DYM: variants seen among roughly 807,000 people sequenced by gnomAD.
DYM encodes dymeclin, also known as dyggve-Melchior-Clausen syndrome protein.
In DYM, 78 loss-of-function variants were observed where a neutral mutation model predicts 93.1. That is an observed-to-expected ratio of 0.84 (90% CI 0.70 to 1.01). The LOEUF (loss-of-function observed/expected upper bound fraction) is 1.01, where lower values mean the gene tolerates loss of function less well. DYM is among the 50% of genes least tolerant of loss of function. The pLI, the probability that DYM is intolerant of heterozygous loss-of-function variation, is 0.00. For synonymous variants in DYM, 321 were observed against 319.7 expected (o/e 1.00, Z -0.04); for missense variants, 789 against 845.0 (o/e 0.93, Z 0.82).
At position 49,220,749 on chromosome 18, in the gene DYM, T is replaced by C. The variant is rs185877953; in HGVS notation, c.1461-11034A>G. Among the ~76,000 whole-genome samples the C allele has an allele frequency of 6.6e-4, 100 of 152,294 alleles. 1 individual carries two copies. The East Asian group carries it at 0.014, about 22-fold the overall frequency. On this transcript the variant is annotated intron_variant, in intron 13 of 17. Transcript: ENST00000675505. ...CTCTTCCTTACATCTTATACAAAAATTAATTCAAGATGGATTAAAGACTTA... is the reference window on the plus strand; with the variant it reads ...CTCTTCCTTACATCTTATACAAAAACTAATTCAAGATGGATTAAAGACTTA...
chr18:49,260,852 C>T (rs2145237615), intron 11 of DYM, among the ~76,000 whole-genome samples: 1 of 150,518 alleles, frequency 6.6e-6, no homozygotes, highest in African/African-American at 2.5e-5. Context: ...TGTACCATCT[C>T]CGGGAGAAAA....
At position 49,245,865 on chromosome 18, in the gene DYM, C is replaced by T. The variant is rs373957236; in HGVS notation, c.1460+11145G>A. ...TGTGATGTCAACCCCGGCGGCCCAGCTGTAAAATTCTTCTCTTTGTGCTCT... is the reference window on the plus strand; with the variant it reads ...TGTGATGTCAACCCCGGCGGCCCAGTTGTAAAATTCTTCTCTTTGTGCTCT... On this transcript the variant is annotated intron_variant, in intron 13 of 17. Transcript: ENST00000675505. Among the ~76,000 whole-genome samples the T allele has an allele frequency of 9.0e-4, 137 of 152,324 alleles. 3 individuals are homozygous for T. The South Asian group carries it at 0.027, about 30-fold the overall frequency.
intron 8 of DYM, among the ~76,000 whole-genome samples, chr18:49,292,898 C>T (rs2060253588): frequency 6.6e-6 from 1 of 152,056 alleles, no homozygotes; most frequent in Non-Finnish European, 1.5e-5. Flanking sequence ...CATAGGTATA[C>T]ACGTGCCATG....
At position 49,258,981 on chromosome 18, in the gene DYM, C is replaced by A. The variant is rs201136624; in HGVS notation, c.1252-488G>T. Among the ~76,000 whole-genome samples the A allele has an allele frequency of 1.6e-3, 231 of 140,698 alleles. 4 individuals are homozygous for A. Among genetic ancestry groups the A allele is most frequent in the African/African-American group, 4.8e-3 (180 of 37,796 alleles). 92.3% of individuals were successfully genotyped at this position (140,698 alleles called of 152,430 possible). A position where few individuals can be genotyped will look rare whatever the true frequency, so the allele number is the denominator to read the frequency against. On this transcript the variant is annotated intron_variant, in intron 11 of 17. Transcript: ENST00000675505. ...GAAAGAGGTAAAATGGGGGAAAAAA[C>A]AAAAAAAAAAACAAACCAACAGGCT...
At chr18:49,107,110 T>C (rs1330163607) in intron 16 of DYM, among the ~76,000 whole-genome samples, 2 of 151,958 alleles carry the variant, frequency 1.3e-5, no homozygotes, top group African/African-American at 4.9e-5. Flanking sequence ...CATTTCTTTT[T>C]ATTCTTTTTT....
intron 2 of DYM, among the ~76,000 whole-genome samples, chr18:49,403,381 A>T (rs1217470677): frequency 6.6e-6 from 1 of 152,220 alleles, no homozygotes; most frequent in East Asian, 1.9e-4. Context: ...CACACCTAGG[A>T]CATCTCTCAG....
chr18:49,384,768 A>G (rs2068423979), intron 3 of DYM, among the ~76,000 whole-genome samples: 1 of 152,124 alleles, frequency 6.6e-6, no homozygotes, highest in African/African-American at 2.4e-5. Context: ...TGTAGAAAAC[A>G]TTGAAATCAA....
intron 8 of DYM, among the ~76,000 whole-genome samples, chr18:49,298,824 G>C (rs897666450): frequency 5.9e-5 from 9 of 152,096 alleles, no homozygotes; most frequent in African/African-American, 2.2e-4. Context: ...AAAACTCTTG[G>C]TTCACATATC....
At chr18:49,108,710 C>G (rs949103807) in intron 16 of DYM, among the ~76,000 whole-genome samples, 3 of 152,170 alleles carry the variant, frequency 2.0e-5, no homozygotes, top group Admixed American at 1.3e-4. Flanking sequence ...GTGGTATGTT[C>G]TATAAATGTG....
intron 8 of DYM, among the ~76,000 whole-genome samples, chr18:49,319,214 T>C (rs988906968): frequency 1.3e-5 from 2 of 152,214 alleles, no homozygotes; most frequent in African/African-American, 4.8e-5. Flanking sequence ...TCTGCTAGTC[T>C]ACACTTTCTA....
chr18:49,323,893 A>G (rs2062690976), intron 8 of DYM, among the ~76,000 whole-genome samples: 1 of 152,134 alleles, frequency 6.6e-6, no homozygotes, highest in Non-Finnish European at 1.5e-5. Flanking sequence ...GATGCCTGTA[A>G]TTCCAGCTCC....
intron 17 of DYM, among the ~76,000 whole-genome samples, chr18:49,080,997 A>G (rs2077941733): frequency 2.0e-5 from 3 of 148,450 alleles, no homozygotes; most frequent in Admixed American, 2.0e-4. Context: ...GCGGCCGGGC[A>G]GAGACGCTCC....
intron 2 of DYM, among the ~76,000 whole-genome samples, chr18:49,428,582 A>C (rs1715027822): frequency 1.3e-5 from 2 of 152,204 alleles, no homozygotes; most frequent in Non-Finnish European, 2.9e-5. Flanking sequence ...GTTACTCGGG[A>C]GGCTGAGGCC....
chr18:49,380,374 C>A (rs1290926899), intron 3 of DYM, among the ~76,000 whole-genome samples: 2 of 152,118 alleles, frequency 1.3e-5, no homozygotes, highest in Non-Finnish European at 2.9e-5. Context: ...GAATCTCAGA[C>A]AAATCACTGT....
At chr18:49,369,706 T>C (rs12457867) in intron 5 of DYM, among the ~76,000 whole-genome samples, 14,414 of 152,268 alleles carry the variant, frequency 0.095, 889 homozygotes, top group East Asian at 0.31. Flanking sequence ...ATGTTTAATC[T>C]ACTATGCTTG....
chr18:49,306,461 T>C (rs1367344003), intron 8 of DYM, among the ~76,000 whole-genome samples: 3 of 152,208 alleles, frequency 2.0e-5, no homozygotes, highest in Non-Finnish European at 4.4e-5. Context: ...GTGTGAATTC[T>C]TGGAGACAGC....
intron 13 of DYM, among the ~76,000 whole-genome samples, chr18:49,240,551 T>A (rs1040077290): frequency 5.9e-5 from 9 of 152,186 alleles, no homozygotes; most frequent in African/African-American, 2.2e-4. Context: ...ACTAACATCA[T>A]TGATGTTATA....
At chr18:49,254,864 T>G (rs770336253) in intron 13 of DYM, among the ~76,000 whole-genome samples, 1 of 152,168 alleles carries the variant, frequency 6.6e-6, no homozygotes, top group Non-Finnish European at 1.5e-5. Context: ...AACTCTGTTA[T>G]GGTGAAATAA....
intron 11 of DYM, among the ~76,000 whole-genome samples, chr18:49,267,202 A>T (rs114023008): frequency 0.37 from 55,412 of 149,144 alleles, 12,055 homozygotes; most frequent in Middle Eastern, 0.58. Flanking sequence ...TAACTTTTTA[A>T]AAAAAAAAAA....
Sources: allele counts gnomAD v4.1 joint callset (sites outside exome capture counted in the v4.1 genomes callset), GRCh38; gene constraint gnomAD v4.1.1; transcripts MANE v1.5; gene names NCBI Gene and HGNC (gene_info 2026-07-23, HGNC 2026-07-21).